TNRC6B: variants seen among roughly 807,000 people sequenced by gnomAD.
TNRC6B encodes the protein trinucleotide repeat-containing gene 6B protein.
Under a neutral mutation model 203.6 loss-of-function variants are expected in TNRC6B, and 52 were observed. The ratio of observed to expected loss-of-function variants is 0.26; its 90% confidence interval spans 0.20 to 0.32. TNRC6B has a LOEUF of 0.32. TNRC6B is among the 10% of genes least tolerant of loss of function. The probability of loss-of-function intolerance (pLI) is 1.00; values close to 1 mark genes in which losing one functional copy is unlikely to be tolerated. For missense variants in TNRC6B, 1,923 were observed against 2,286.2 expected, an observed-to-expected ratio of 0.84 and a Z score of 3.24; for synonymous variants, 838 against 845.7, an observed-to-expected ratio of 0.99 and a Z score of 0.16.
At chr22:40,053,138 C>T (rs995085218) in intron 1 of TNRC6B, among the ~76,000 whole-genome samples, 4 of 144,654 alleles carry the variant, frequency 2.8e-5, no homozygotes, top group Admixed American at 1.4e-4. Flanking sequence ...ATATACCACT[C>T]GATGTGTTTG....
At chr22:40,304,100 G>A (rs1233587369) in intron 15 of TNRC6B, among the ~76,000 whole-genome samples, 2 of 152,140 alleles carry the variant, frequency 1.3e-5, no homozygotes, top group African/African-American at 4.8e-5. Flanking sequence ...GAAATGAACA[G>A]TCTTTCAGTT....
chr22:40,276,680 T>C (rs945936977), intron 7 of TNRC6B, among the ~76,000 whole-genome samples: 2 of 152,192 alleles, frequency 1.3e-5, no homozygotes, highest in Admixed American at 1.3e-4. Flanking sequence ...CCTTTCCAAA[T>C]GACACGCACT....
intron 1 of TNRC6B, among the ~76,000 whole-genome samples, chr22:40,194,235 C>T (rs748890029): frequency 1.1e-4 from 16 of 152,214 alleles, no homozygotes; most frequent in Non-Finnish European, 1.5e-5. Context: ...TAAGATAGCA[C>T]TTCCTGGGGT....
intron 3 of TNRC6B, among the ~76,000 whole-genome samples, chr22:40,142,992 A>G (rs2068657946): frequency 6.6e-6 from 1 of 152,230 alleles, no homozygotes; most frequent in Non-Finnish European, 1.5e-5. Flanking sequence ...TGGCCGCACA[A>G]GAGATGTCTG....
chr22:40,158,487 A>G (rs1225026194), intron 4 of TNRC6B, among the ~76,000 whole-genome samples: 1 of 152,138 alleles, frequency 6.6e-6, no homozygotes, highest in Non-Finnish European at 1.5e-5. Flanking sequence ...TCTCAAACAA[A>G]CCAGTCTTTA....
At position 40,158,340 on chromosome 22, in the gene TNRC6B, C is replaced by CAATAAATA. The variant is rs144615900; in HGVS notation, c.113+2201_113+2208dup. ...GGCAACAAGAGCGAAACTCCATCTT[C>CAATAAATA]AATAAATAAATAAATAAATAAATAA... On this transcript the variant is annotated intron_variant, in intron 4 of 23. Transcript: ENST00000301923. Among the ~76,000 whole-genome samples the CAATAAATA allele has an allele frequency of 4.2e-3, 581 of 139,176 alleles. 4 individuals are homozygous for CAATAAATA. The highest frequency in any genetic ancestry group is 6.2e-3 in the African/African-American group (229 of 36,958). 91.3% of individuals were successfully genotyped at this position (139,176 alleles called of 152,430 possible).
At chr22:40,287,277 G>A (rs1025398777) in intron 12 of TNRC6B, among the ~76,000 whole-genome samples, 1 of 152,154 alleles carries the variant, frequency 6.6e-6, no homozygotes, top group Non-Finnish European at 1.5e-5. Context: ...CCAAAGCACT[G>A]GGATGACAGG....
chr22:40,150,689 G>A (rs2068743427), intron 3 of TNRC6B, among the ~76,000 whole-genome samples: 1 of 152,150 alleles, frequency 6.6e-6, no homozygotes, highest in African/African-American at 2.4e-5. Flanking sequence ...TACATAAAAG[G>A]CTACATGCTG....
chr22:40,308,641 A>C lies in TNRC6B; in HGVS notation c.4250A>C (p.His1417Pro). ...GTAGCCACACAGGAAGCCAATATGC[A>C]CAAAAATGGTAAGAGAAGCACTGAA... Reference protein sequence around the residue: ...PSVATQEANMHKNGAIVAPGK... With the variant: ...PSVATQEANMPKNGAIVAPGK... Residue 1417 changes from histidine to proline, a missense_variant, in exon 16 of 23, where the codon CAC becomes CCC. His to Pro is a moderately conservative substitution (Grantham distance 77). This residue lies in a region of TNRC6B where 242 missense variants were observed against 399.5 expected (regional missense o/e 0.61). Transcript: ENST00000454349. The C allele has an allele frequency of 2.5e-6, 4 of 1,612,276 alleles. No homozygotes were observed. In the South Asian group the frequency reaches 3.3e-5, roughly 13 times the overall value.
At chr22:40,278,138 T>A in intron 9 of TNRC6B, 94 bp downstream of exon 9, 1 of 937,686 alleles carries the variant, frequency 1.1e-6, no homozygotes, top group Non-Finnish European at 1.7e-6. Flanking sequence ...TAGGTGCAGT[T>A]CAGTAGACAT....
intron 9 of TNRC6B, among the ~76,000 whole-genome samples, chr22:40,278,885 C>T (rs966019653): frequency 6.6e-6 from 1 of 152,206 alleles, no homozygotes; most frequent in Non-Finnish European, 1.5e-5. Flanking sequence ...GGATCACAGG[C>T]GTGTGCCGCC....
At chr22:40,276,185 A>G (rs2070641627) in intron 7 of TNRC6B, among the ~76,000 whole-genome samples, 1 of 151,944 alleles carries the variant, frequency 6.6e-6, no homozygotes, top group African/African-American at 2.4e-5. Context: ...ATCTCTACTA[A>G]AAATACAAAA....
chr22:40,317,424 A>G (rs1288608628), intron 21 of TNRC6B, among the ~76,000 whole-genome samples: 1 of 152,190 alleles, frequency 6.6e-6, no homozygotes, highest in African/African-American at 2.4e-5. Flanking sequence ...CTGAAAATAC[A>G]CAAATTAGCT....
At chr22:40,204,007 A>G (rs2069446697) in intron 1 of TNRC6B, among the ~76,000 whole-genome samples, 2 of 152,132 alleles carry the variant, frequency 1.3e-5, no homozygotes, top group Non-Finnish European at 2.9e-5. Context: ...TCAGCCCTCT[A>G]CTTTTCATCC....
intron 1 of TNRC6B, among the ~76,000 whole-genome samples, chr22:40,195,814 G>A (rs1006325239): frequency 1.6e-4 from 25 of 152,200 alleles, no homozygotes; most frequent in African/African-American, 6.0e-4. Context: ...CTGTCGCCCA[G>A]GCTGGAGTGC....
chr22:40,311,698 C>T (rs1188290335), intron 17 of TNRC6B, among the ~76,000 whole-genome samples: 2 of 152,112 alleles, frequency 1.3e-5, no homozygotes, highest in African/African-American at 4.8e-5. Context: ...CCTGCTACCA[C>T]GCCTGGCTAA....
At chr22:40,321,496 A>G (rs2071333505) in intron 22 of TNRC6B, 1 of 388,426 alleles carries the variant, frequency 2.6e-6, no homozygotes, top group Non-Finnish European at 4.8e-6. Context: ...TCTAAGTAAC[A>G]TAAAGCTAGG....
chr22:40,145,583 C>A (rs139509200), intron 3 of TNRC6B, among the ~76,000 whole-genome samples: 2 of 152,314 alleles, frequency 1.3e-5, no homozygotes, highest in African/African-American at 4.8e-5. Flanking sequence ...GTGGTTCACG[C>A]CTGTAATCCC....
chr22:40,056,481 A>G lies in TNRC6B; in HGVS notation c.-121+11483A>G, dbSNP rs573345114. The stretch of plus-strand genomic sequence containing the variant: ...AAATGGAAGCAGGACGAGGTTGAGA[A>G]GGCAACACCTTTAAGTAAGATAGAA... On this transcript the variant is annotated intron_variant, in intron 1 of 23. Transcript: ENST00000301923. 3.4e-3 allele frequency among the ~76,000 whole-genome samples: 512 copies of G among 152,284 alleles called. 2 individuals carry two copies. Among genetic ancestry groups the G allele is most frequent in the Non-Finnish European group, 5.3e-3 (359 of 68,032 alleles).
Sources: allele counts gnomAD v4.1 joint callset (sites outside exome capture counted in the v4.1 genomes callset), GRCh38; gene constraint gnomAD v4.1.1; regional missense constraint gnomAD v4.1.1; transcripts MANE v1.5; gene names NCBI Gene and HGNC (gene_info 2026-07-23, HGNC 2026-07-21).